The following SPACA7 variants were observed in gnomAD, a reference collection of about 807,000 sequenced individuals.
SPACA7 encodes sperm acrosome associated 7, also known as sperm acrosome-associated protein 7.
SPACA7 carries 19 observed loss-of-function variants against 26.3 expected under a neutral mutation model. The observed-to-expected ratio is 0.72, with a 90% CI of 0.50 to 1.06. The LOEUF is 1.06. SPACA7 is among the 50% of genes least tolerant of loss of function. The pLI, the probability that SPACA7 is intolerant of heterozygous loss-of-function variation, is 0.00. For missense variants in SPACA7, 211 were observed against 229.9 expected, an observed-to-expected ratio of 0.92 and a Z score of 0.53; for synonymous variants, 84 against 84.5, an observed-to-expected ratio of 0.99 and a Z score of 0.04.
At chr13:112,426,439 C>T (rs1876541837) in intron 5 of SPACA7, among the ~76,000 whole-genome samples, 1 of 152,182 alleles carries the variant, frequency 6.6e-6, no homozygotes. Flanking sequence ...TTAATGTCTA[C>T]AAAAAATTCT....
chr13:112,417,328 T>C (rs1886757897), intron 5 of SPACA7, among the ~76,000 whole-genome samples: 1 of 152,154 alleles, frequency 6.6e-6, no homozygotes, highest in Admixed American at 6.5e-5. Flanking sequence ...TTGATGTTTT[T>C]TACTTATTTC....
At chr13:112,422,278 G>C (rs1239090514) in intron 5 of SPACA7, among the ~76,000 whole-genome samples, 1 of 152,078 alleles carries the variant, frequency 6.6e-6, no homozygotes, top group Non-Finnish European at 1.5e-5. Context: ...CCACCACAGA[G>C]CTTCAAAACA....
chr13:112,419,137 A>G (rs1886866804), intron 5 of SPACA7, among the ~76,000 whole-genome samples: 1 of 152,196 alleles, frequency 6.6e-6, no homozygotes. Context: ...TAGCAGGGTA[A>G]AGTAGGCAGA....
intron 5 of SPACA7, among the ~76,000 whole-genome samples, chr13:112,418,047 C>T (rs1886802581): frequency 6.6e-6 from 1 of 152,060 alleles, no homozygotes; most frequent in Non-Finnish European, 1.5e-5. Context: ...CTGCCATAGT[C>T]CTTAGTCACA....
At chr13:112,390,328 G>C (rs1217100812) in intron 1 of SPACA7, among the ~76,000 whole-genome samples, 1 of 152,186 alleles carries the variant, frequency 6.6e-6, no homozygotes, top group Non-Finnish European at 1.5e-5. Context: ...GAGAGGAGCA[G>C]AGCCAGTGCC....
intron 5 of SPACA7, among the ~76,000 whole-genome samples, chr13:112,404,977 T>C (rs1395078554): frequency 2.2e-5 from 3 of 136,610 alleles, no homozygotes; most frequent in Non-Finnish European, 3.1e-5. Context: ...TGTATTCTCT[T>C]CTTTTTTTTT....
intron 1 of SPACA7, chr13:112,382,353 C>T: frequency 6.9e-7 from 1 of 1,448,552 alleles, no homozygotes; most frequent in Non-Finnish European, 9.2e-7. Context: ...CCGCCTCAGC[C>T]TCCCAAAGTG....
rs563943089 is a variant in SPACA7, at chr13:112,434,213, G to A, written c.524-272G>A. Among the ~76,000 whole-genome samples the A allele has an allele frequency of 6.6e-5, 10 of 152,266 alleles. No individual in the cohort carries two copies. The East Asian group carries it at 9.7e-4, about 15-fold the overall frequency. Reference sequence around the variant, plus strand: ...GGAGGAGGAGGACCAGTCCAGCTCCGCCAGGCTTGGAGTTGTCGATGGGTT... The same window carrying A: ...GGAGGAGGAGGACCAGTCCAGCTCCACCAGGCTTGGAGTTGTCGATGGGTT... On this transcript the variant is annotated intron_variant, in intron 6 of 6. Transcript: ENST00000283550.
chr13:112,432,582 A>C, intron 6 of SPACA7, 61 bp downstream of exon 6: 2 of 1,307,752 alleles, frequency 1.5e-6, no homozygotes, highest in Admixed American at 3.4e-5. Context: ...TGCTCAAGGG[A>C]CAGGTGTGTC....
At chr13:112,399,306 T>C in intron 4 of SPACA7, 133 bp downstream of exon 4, 1 of 675,764 alleles carries the variant, frequency 1.5e-6, no homozygotes, top group South Asian at 1.7e-5. Context: ...CCACTTCCCC[T>C]GGTTGGGCAG....
chr13:112,418,323 G>A (rs1410049787), intron 5 of SPACA7, among the ~76,000 whole-genome samples: 2 of 152,158 alleles, frequency 1.3e-5, no homozygotes, highest in Non-Finnish European at 2.9e-5. Context: ...TAGAAATTTG[G>A]CTGTTAGAGT....
At position 112,383,051 on chromosome 13, in the gene SPACA7, G is replaced by GAGAGAGAGAGA. The variant is rs1216665909; in HGVS notation, c.94+6572_94+6573insAGAGAGAGAGA. The stretch of plus-strand genomic sequence containing the variant: ...AAGAGAGAGAGAGAGAAAGACAGAA[G>GAGAGAGAGAGA]GAAAGAAAGAGACAGAAAGAGAAAG... On this transcript the variant is annotated intron_variant, in intron 1 of 6. Transcript: ENST00000283550. 1.2e-3 allele frequency among the ~76,000 whole-genome samples: 37 copies of GAGAGAGAGAGA among 30,102 alleles called. 1 individual carries two copies. The highest frequency in any genetic ancestry group is 6.7e-3 in the African/African-American group (36 of 5,346). The allele number at this position is 30,102 out of a possible 152,430, so 19.7% of individuals were successfully genotyped here. A position where few individuals can be genotyped will look rare whatever the true frequency, so the allele number is the denominator to read the frequency against.
intron 1 of SPACA7, among the ~76,000 whole-genome samples, chr13:112,390,401 G>A (rs945973713): frequency 1.4e-4 from 22 of 152,138 alleles, no homozygotes; most frequent in African/African-American, 3.4e-4. Flanking sequence ...CCTTGCCCAC[G>A]TGCAATTGAG....
chr13:112,378,498 G>A (rs1366842180), intron 1 of SPACA7: 7 of 338,908 alleles, frequency 2.1e-5, no homozygotes, highest in East Asian at 1.5e-4. Context: ...CACATAAACT[G>A]AGTTTTCTCT....
At chr13:112,408,254 C>T (rs1325248614) in intron 5 of SPACA7, among the ~76,000 whole-genome samples, 1 of 152,114 alleles carries the variant, frequency 6.6e-6, no homozygotes, top group Non-Finnish European at 1.5e-5. Context: ...AAACCCACAG[C>T]CAATATCATA....
At chr13:112,380,976 C>T (rs983003311) in intron 1 of SPACA7, among the ~76,000 whole-genome samples, 1 of 152,110 alleles carries the variant, frequency 6.6e-6, no homozygotes, top group Non-Finnish European at 1.5e-5. Flanking sequence ...ATATATTTAT[C>T]TACAGCATAA....
chr13:112,422,233 A>C (rs1170934476), intron 5 of SPACA7, among the ~76,000 whole-genome samples: 1 of 152,194 alleles, frequency 6.6e-6, no homozygotes, highest in Admixed American at 6.5e-5. Flanking sequence ...GTTTCTTAGG[A>C]AGACACACAA....
chr13:112,381,698 G>A lies in SPACA7; in HGVS notation c.94+5219G>A, dbSNP rs556723043. ...GGCATTCGGGAAACAGAGTTTTTAC[G>A]GATAACTTTGTGGGTGGAGGGAAGC... On this transcript the variant is annotated intron_variant, in intron 1 of 6. Coordinates refer to ENST00000283550, the MANE Select transcript of SPACA7 (RefSeq NM_145248.5). Among the ~76,000 whole-genome samples the A allele has an allele frequency of 3.9e-5, 6 of 152,234 alleles. No homozygotes were observed. In the East Asian group the frequency reaches 5.8e-4, roughly 15 times the overall value.
intron 1 of SPACA7, among the ~76,000 whole-genome samples, chr13:112,378,367 G>A (rs1167405625): frequency 6.6e-6 from 1 of 152,064 alleles, no homozygotes; most frequent in Non-Finnish European, 1.5e-5. Context: ...ATGGCTCTAT[G>A]GTCACCCTCT....
Sources: allele counts gnomAD v4.1 joint callset (sites outside exome capture counted in the v4.1 genomes callset), GRCh38; gene constraint gnomAD v4.1.1; transcripts MANE v1.5; gene names NCBI Gene and HGNC (gene_info 2026-07-23, HGNC 2026-07-21).